MALRD1: variants seen among roughly 807,000 people sequenced by gnomAD.
The protein encoded by MALRD1 is MAM and LDL receptor class A domain containing 1.
MALRD1 carries 247 observed loss-of-function variants against 242.1 expected under a neutral mutation model. The ratio of observed to expected loss-of-function variants is 1.02; its 90% CI spans 0.92 to 1.13. The LOEUF is 1.13. Among genes scored for constraint, MALRD1 ranks in the 50% most tolerant of loss-of-function variants. The pLI is 0.00. For synonymous variants in MALRD1, 995 were observed against 866.6 expected, an observed-to-expected ratio of 1.15 and a Z score of -2.60; for missense variants, 2,989 against 2,533.1, an observed-to-expected ratio of 1.18 and a Z score of -3.86.
At position 19,431,618 on chromosome 10, in the gene MALRD1, A is replaced by G. The variant is rs915201011; in HGVS notation, c.4846-18689A>G. Among the ~76,000 whole-genome samples the G allele has an allele frequency of 5.9e-5, 9 of 152,320 alleles. 1 individual carries two copies. In the South Asian group the frequency reaches 1.7e-3, roughly 28 times the overall value. On this transcript the variant is annotated intron_variant, in intron 28 of 39. Transcript: ENST00000454679. The stretch of plus-strand genomic sequence containing the variant: ...ACTTTTATTCATTTATACCCAATGT[A>G]TGCAAGTGTTCTCTGGGAAGAGAAA...
chr10:19,469,353 C>G (rs1326384790), intron 29 of MALRD1, among the ~76,000 whole-genome samples: 2 of 152,014 alleles, frequency 1.3e-5, no homozygotes, highest in African/African-American at 4.8e-5. Flanking sequence ...TGATAATGAT[C>G]TTCTTGACTT....
intron 38 of MALRD1, among the ~76,000 whole-genome samples, chr10:19,692,976 C>T (rs1196573234): frequency 6.6e-6 from 1 of 151,056 alleles, no homozygotes; most frequent in East Asian, 2.0e-4. Context: ...ACAAAAACCA[C>T]ATGATTATCT....
intron 29 of MALRD1, chr10:19,488,967 G>T (rs1453638610): frequency 6.9e-6 from 3 of 432,214 alleles, no homozygotes; most frequent in Non-Finnish European, 9.4e-6. Context: ...TAGCGGGGGC[G>T]GAGGAGAAGG....
At chr10:19,461,439 A>G (rs2131096669) in intron 29 of MALRD1, among the ~76,000 whole-genome samples, 1 of 152,298 alleles carries the variant, frequency 6.6e-6, no homozygotes, top group South Asian at 2.1e-4. Context: ...TGTTAACTAG[A>G]TTTACTCTAA....
rs182185966 is a variant in MALRD1, at chr10:19,128,724, C to T, written c.1110+337C>T. Among the ~76,000 whole-genome samples the T allele has an allele frequency of 2.5e-3, 383 of 152,236 alleles. 3 individuals carry two copies. Among genetic ancestry groups the T allele is most frequent in the African/African-American group, 8.7e-3 (361 of 41,548 alleles). ...CTGATGTGATCTGTTTTGGACATTA[C>T]ATCTGTATATCATTAGAACTATAAA... On this transcript the variant is annotated intron_variant, in intron 8 of 39. Coordinates refer to ENST00000454679, the MANE Select transcript of MALRD1 (RefSeq NM_001142308.3).
chr10:19,524,503 C>A (rs907132768), intron 31 of MALRD1, among the ~76,000 whole-genome samples: 4 of 151,850 alleles, frequency 2.6e-5, no homozygotes, highest in Non-Finnish European at 5.9e-5. Context: ...TGGAAATCTG[C>A]GGGAAGAAAA....
Position 19,368,068 on chromosome 10 carries a change from C to T in MALRD1, c.4441+15771C>T, listed in dbSNP as rs775577546. Among the ~76,000 whole-genome samples the T allele has an allele frequency of 5.9e-5, 9 of 151,902 alleles. No individual in the cohort carries two copies. The East Asian group carries it at 7.7e-4, about 13-fold the overall frequency. ...CAATTCAACAGGCTGTCTTTTTACCCGGTTGATTGTTTTCTTTGCTATGCT... is the reference window on the plus strand; with the variant it reads ...CAATTCAACAGGCTGTCTTTTTACCTGGTTGATTGTTTTCTTTGCTATGCT... On this transcript the variant is annotated intron_variant, in intron 26 of 39. Coordinates refer to ENST00000454679, the MANE Select transcript of MALRD1 (RefSeq NM_001142308.3).
rs561735809 is a variant in MALRD1 at position 19,287,932 on chromosome 10, G to C, written c.3419+4751G>C. ...TTACCTTGGAAGAAGGATATTCCTT[G>C]CTGTAAACAAGCAGGGAGAAAGAAT... On this transcript the variant is annotated intron_variant, in intron 21 of 39. Coordinates refer to ENST00000454679, the MANE Select transcript of MALRD1 (RefSeq NM_001142308.3). Among the ~76,000 whole-genome samples, 31 of 152,204 alleles carry C rather than the reference G, an allele frequency of 2.0e-4. No individual in the cohort carries two copies. In the South Asian group the frequency reaches 6.4e-3, roughly 32 times the overall value.
intron 28 of MALRD1, among the ~76,000 whole-genome samples, chr10:19,394,803 C>A (rs1009973826): frequency 2.6e-5 from 4 of 152,026 alleles, no homozygotes; most frequent in African/African-American, 9.7e-5. Context: ...TTTTGGATTG[C>A]GGGGTTAGGG....
intron 33 of MALRD1, among the ~76,000 whole-genome samples, chr10:19,586,997 C>T (rs189520191): frequency 5.4e-4 from 83 of 152,326 alleles, no homozygotes; most frequent in East Asian, 2.3e-3. Flanking sequence ...TTCCAGGTGC[C>T]GTCTGTCACC....
At position 19,087,855 on chromosome 10, in the gene MALRD1, T is replaced by A. The variant is rs1835726553; in HGVS notation, c.356T>A (p.Leu119Gln). 8.1e-7 allele frequency: 1 copy of A among 1,232,762 alleles called. No homozygotes were observed. Among genetic ancestry groups the A allele is most frequent in the African/African-American group, 1.6e-5 (1 of 64,442 alleles). 76.4% of individuals were successfully genotyped at this position (1,232,762 alleles called of 1,614,324 possible). Residue 119 changes from leucine to glutamine, a missense_variant, in exon 3 of 40, where the codon CTG becomes CAG. By Grantham distance (113) the Leu-to-Gln change is moderately radical. Transcript: ENST00000454679. Reference sequence around the variant, plus strand: ...TTTCTGATAGCTCACTTCCTCTCACTGGTTTCCAGAGTGGATTCTATTTCC... The same window carrying A: ...TTTCTGATAGCTCACTTCCTCTCACAGGTTTCCAGAGTGGATTCTATTTCC... ...NGDVSAHFLS[L>Q]VSRVDSISSS...
chr10:19,562,873 G>T (rs1340782264), intron 32 of MALRD1, among the ~76,000 whole-genome samples: 1 of 152,158 alleles, frequency 6.6e-6, no homozygotes, highest in African/African-American at 2.4e-5. Context: ...AATGCCTGAT[G>T]ATCTGAGGTG....
chr10:19,461,243 C>T (rs1835925795), intron 29 of MALRD1, among the ~76,000 whole-genome samples: 1 of 152,186 alleles, frequency 6.6e-6, no homozygotes, highest in Non-Finnish European at 1.5e-5. Flanking sequence ...AGTCAAATGA[C>T]TCACACAAAT....
intron 13 of MALRD1, among the ~76,000 whole-genome samples, chr10:19,171,458 A>G (rs1834929316): frequency 1.6e-5 from 1 of 61,182 alleles, no homozygotes; most frequent in African/African-American, 4.7e-5. Flanking sequence ...ATATATATAT[A>G]CACACATGTA....
chr10:19,519,109 G>T (rs933991460), intron 31 of MALRD1, among the ~76,000 whole-genome samples: 1 of 151,924 alleles, frequency 6.6e-6, no homozygotes, highest in Non-Finnish European at 1.5e-5. Flanking sequence ...TTAAAAAAAT[G>T]TATATACTTG....
intron 36 of MALRD1, among the ~76,000 whole-genome samples, chr10:19,664,463 G>A (rs1010507202): frequency 1.3e-5 from 2 of 151,722 alleles, no homozygotes; most frequent in African/African-American, 4.8e-5. Flanking sequence ...TGCTTTCCTA[G>A]TAATTCTGAT....
chr10:19,661,463 A>G (rs11010983), intron 36 of MALRD1, among the ~76,000 whole-genome samples: 62,534 of 152,012 alleles, frequency 0.41, 14,293 homozygotes, highest in Non-Finnish European at 0.51. Context: ...CCATAAAAAA[A>G]GATGAGTTCA....
intron 21 of MALRD1, among the ~76,000 whole-genome samples, chr10:19,293,179 T>A (rs1209957237): frequency 6.6e-6 from 1 of 152,144 alleles, no homozygotes; most frequent in African/African-American, 2.4e-5. Context: ...GACTTTTAAC[T>A]AAAATAATGG....
At chr10:19,124,729 T>C in intron 7 of MALRD1, 59 bp downstream of exon 7, 1 of 1,214,648 alleles carries the variant, frequency 8.2e-7, no homozygotes, top group Non-Finnish European at 1.0e-6. Context: ...TTATGGTGAC[T>C]AGTTATAAGA....
Sources: allele counts gnomAD v4.1 joint callset (sites outside exome capture counted in the v4.1 genomes callset), GRCh38; gene constraint gnomAD v4.1.1; transcripts MANE v1.5; gene names NCBI Gene and HGNC (gene_info 2026-07-23, HGNC 2026-07-21).